The following TYW1B variants were observed in gnomAD, a reference collection of about 807,000 sequenced individuals.
The protein encoded by TYW1B is tRNA-yW synthesizing protein 1 homolog B, also known as S-adenosyl-L-methionine-dependent tRNA 4-demethylwyosine synthase TYW1B.
Under a neutral mutation model 86.9 loss-of-function variants are expected in TYW1B, and 73 were observed. That is an observed-to-expected ratio of 0.84 (90% CI 0.70 to 1.02). The LOEUF (loss-of-function observed/expected upper bound fraction) is 1.02, where lower values mean the gene tolerates loss of function less well. TYW1B is among the 50% of genes least tolerant of loss of function. The pLI, the probability that TYW1B is intolerant of heterozygous loss-of-function variation, is 0.00. For missense variants in TYW1B, 637 were observed against 827.4 expected, an observed-to-expected ratio of 0.77 and a Z score of 2.82; for synonymous variants, 248 against 292.8, an observed-to-expected ratio of 0.85 and a Z score of 1.56.
chr7:72,638,935 A>G (rs2129568980), intron 11 of TYW1B, among the ~76,000 whole-genome samples: 1 of 152,366 alleles, frequency 6.6e-6, no homozygotes, highest in South Asian at 2.1e-4. Flanking sequence ...ATATTAAAAG[A>G]TACCAAAAGG....
chr7:72,671,673 T>C (rs1813604110), intron 11 of TYW1B, among the ~76,000 whole-genome samples: 1 of 152,154 alleles, frequency 6.6e-6, no homozygotes, highest in Non-Finnish European at 1.5e-5. Flanking sequence ...TTCTTTTCCT[T>C]ATTTTTCTAT....
intron 11 of TYW1B, among the ~76,000 whole-genome samples, chr7:72,637,203 T>C (rs1253897136): frequency 3.3e-5 from 5 of 151,952 alleles, no homozygotes; most frequent in Non-Finnish European, 7.4e-5. Context: ...GTAGGGTTGG[T>C]GTTAGTTCTC....
chr7:72,637,429 A>G (rs188014558), intron 11 of TYW1B, among the ~76,000 whole-genome samples: 2 of 148,204 alleles, frequency 1.3e-5, no homozygotes, highest in East Asian at 3.9e-4. Context: ...GCATAAAGTA[A>G]TTCAAAATAT....
At chr7:72,599,955 T>G (rs528440455) in intron 13 of TYW1B, among the ~76,000 whole-genome samples, 31 of 152,322 alleles carry the variant, frequency 2.0e-4, no homozygotes, top group Non-Finnish European at 3.8e-4. Flanking sequence ...TTCCCAACTG[T>G]GTTTGTAGAT....
At chr7:72,594,782 T>A (rs557791053) in intron 13 of TYW1B, among the ~76,000 whole-genome samples, 45 of 152,308 alleles carry the variant, frequency 3.0e-4, no homozygotes, top group African/African-American at 1.1e-3. Flanking sequence ...TTCAGCAGCA[T>A]ATTAAAAGAA....
chr7:72,649,980 G>A (rs185035531), intron 11 of TYW1B, among the ~76,000 whole-genome samples: 1 of 151,736 alleles, frequency 6.6e-6, no homozygotes, highest in East Asian at 1.9e-4. Context: ...AGCTCTGCCT[G>A]CCAGGTTCAT....
At chr7:72,624,728 G>A (rs1812298295) in intron 12 of TYW1B, among the ~76,000 whole-genome samples, 2 of 152,272 alleles carry the variant, frequency 1.3e-5, no homozygotes, top group South Asian at 4.1e-4. Context: ...GAAGTAACAT[G>A]AACTGTTATT....
At chr7:72,717,137 C>A (rs1355078597) in intron 9 of TYW1B, among the ~76,000 whole-genome samples, 1 of 151,780 alleles carries the variant, frequency 6.6e-6, no homozygotes, top group African/African-American at 2.4e-5. Context: ...CTCATCTCTA[C>A]TAAAAATACA....
intron 11 of TYW1B, among the ~76,000 whole-genome samples, chr7:72,635,691 A>G (rs190858916): frequency 6.6e-6 from 1 of 152,346 alleles, no homozygotes; most frequent in African/African-American, 2.4e-5. Flanking sequence ...CCATAAACGT[A>G]TACAACCCTT....
chr7:72,727,118 G>A (rs1217929619), intron 9 of TYW1B, among the ~76,000 whole-genome samples: 6 of 152,114 alleles, frequency 3.9e-5, no homozygotes, highest in African/African-American at 4.8e-5. Flanking sequence ...TGGGTGAGGG[G>A]GACAAAGCCT....
chr7:72,629,268 T>C (rs2129568704), intron 11 of TYW1B, among the ~76,000 whole-genome samples: 1 of 152,346 alleles, frequency 6.6e-6, no homozygotes, highest in Non-Finnish European at 1.5e-5. Flanking sequence ...CAGAGGTTTC[T>C]TGACACAGAC....
intron 11 of TYW1B, among the ~76,000 whole-genome samples, chr7:72,649,967 G>A (rs559295974): frequency 6.6e-6 from 1 of 152,036 alleles, no homozygotes; most frequent in South Asian, 2.1e-4. Context: ...TTGGCTCAGT[G>A]CAAGCTCTGC....
intron 7 of TYW1B, among the ~76,000 whole-genome samples, chr7:72,764,039 A>G (rs1201591157): frequency 6.6e-6 from 1 of 152,148 alleles, no homozygotes; most frequent in African/African-American, 2.4e-5. Flanking sequence ...TATGTTATTA[A>G]TGTGAATATT....
intron 5 of TYW1B, among the ~76,000 whole-genome samples, chr7:72,806,371 G>A (rs1359414160): frequency 5.3e-5 from 8 of 151,804 alleles, no homozygotes; most frequent in Admixed American, 2.0e-4. Context: ...GAGTAGCTGG[G>A]ATTACAGGTG....
chr7:72,576,064 G>C (rs1430826811), intron 13 of TYW1B, among the ~76,000 whole-genome samples: 1 of 152,172 alleles, frequency 6.6e-6, no homozygotes. Flanking sequence ...TGCTGTTGCC[G>C]CTTTTGATCG....
intron 3 of TYW1B, among the ~76,000 whole-genome samples, chr7:72,813,435 C>T (rs1788662325): frequency 6.6e-6 from 1 of 152,220 alleles, no homozygotes; most frequent in African/African-American, 2.4e-5. Context: ...CTCGGACTCC[C>T]AAAGTGTTGG....
chr7:72,643,836 T>C (rs1302715570), intron 11 of TYW1B, among the ~76,000 whole-genome samples: 2 of 152,138 alleles, frequency 1.3e-5, no homozygotes, highest in Non-Finnish European at 2.9e-5. Context: ...GGTGTTTGAT[T>C]TGAAATACTA....
chr7:72,809,286 G>A (rs546496588), intron 4 of TYW1B, among the ~76,000 whole-genome samples: 6 of 152,078 alleles, frequency 3.9e-5, no homozygotes, highest in Admixed American at 6.6e-5. Context: ...CTCGTGATCC[G>A]CCTGCCTCGG....
chr7:72,674,706 G>A (rs1279379906), intron 11 of TYW1B, among the ~76,000 whole-genome samples: 12 of 151,506 alleles, frequency 7.9e-5, no homozygotes, highest in Non-Finnish European at 1.8e-4. Flanking sequence ...CTGTTAGGTA[G>A]GCTATCAAAT....
Sources: gnomAD v4.1 joint callset for allele counts (sites outside exome capture counted in the v4.1 genomes callset) on GRCh38, gnomAD v4.1.1 for gene constraint, MANE v1.5 for transcripts, NCBI Gene and HGNC (gene_info 2026-07-23, HGNC 2026-07-21) for gene names.